The following CACNA2D3 variants were observed in gnomAD, a reference collection of about 807,000 sequenced individuals.
CACNA2D3 encodes the protein calcium voltage-gated channel auxiliary subunit alpha2delta 3.
Under a neutral mutation model 160.6 loss-of-function variants are expected in CACNA2D3, and 60 were observed. The ratio of observed to expected loss-of-function variants is 0.37; its 90% CI spans 0.30 to 0.46. The LOEUF is 0.46. Among genes scored for constraint, CACNA2D3 ranks in the 20% least tolerant of loss-of-function variants. The pLI, the probability that CACNA2D3 is intolerant of heterozygous loss-of-function variation, is 1.00. For synonymous variants in CACNA2D3, 558 were observed against 492.9 expected, an observed-to-expected ratio of 1.13 and a Z score of -1.75; for missense variants, 1,205 against 1,365.0, an observed-to-expected ratio of 0.88 and a Z score of 1.85.
At chr3:55,012,423 G>T (rs777797206) in intron 34 of CACNA2D3, among the ~76,000 whole-genome samples, 1 of 152,024 alleles carries the variant, frequency 6.6e-6, no homozygotes, top group South Asian at 2.1e-4. Context: ...TAGTGAAGAC[G>T]CTCCCTTCTC....
At chr3:54,438,103 A>G (rs1700087076) in intron 4 of CACNA2D3, among the ~76,000 whole-genome samples, 1 of 152,214 alleles carries the variant, frequency 6.6e-6, no homozygotes, top group Non-Finnish European at 1.5e-5. Flanking sequence ...TAACTCCATG[A>G]AAAGGGTTAT....
intron 35 of CACNA2D3, among the ~76,000 whole-genome samples, chr3:55,070,052 CAACA>C (rs1704766055): frequency 6.6e-6 from 1 of 152,128 alleles, no homozygotes; most frequent in African/African-American, 2.4e-5. Context: ...GTCACTGACT[CAACA>C]AATACTTACT....
chr3:55,068,204 G>A (rs139836948), intron 35 of CACNA2D3, among the ~76,000 whole-genome samples: 31 of 152,336 alleles, frequency 2.0e-4, no homozygotes, highest in African/African-American at 6.7e-4. Flanking sequence ...TAGCTTGCCT[G>A]TAACCTCCTG....
chr3:54,859,972 GCACACACACA>G lies in CACNA2D3; in HGVS notation c.1627-11534_1627-11525del, dbSNP rs1553891454. On this transcript the variant is annotated intron_variant, in intron 17 of 37. Transcript: ENST00000474759. Reference sequence around the variant, plus strand: ...TTAGAACATCATCTGGAAAGTAGATGCACACACACACACACACACACACACACACACACAC... The same window carrying G: ...TTAGAACATCATCTGGAAAGTAGATGCACACACACACACACACACACACAC... Among the ~76,000 whole-genome samples, 204 of 133,882 alleles carry G rather than the reference GCACACACACA, an allele frequency of 1.5e-3. 1 individual carries two copies. Among genetic ancestry groups the G allele is most frequent in the East Asian group, 7.3e-3 (33 of 4,498 alleles). The allele number at this position is 133,882 out of a possible 152,430, so 87.8% of individuals were successfully genotyped here. A position where few individuals can be genotyped will look rare whatever the true frequency, so the allele number is the denominator to read the frequency against.
At chr3:54,763,044 C>T (rs1162001309) in intron 12 of CACNA2D3, among the ~76,000 whole-genome samples, 2 of 148,280 alleles carry the variant, frequency 1.3e-5, no homozygotes, top group Non-Finnish European at 3.0e-5. Context: ...GCAGAGATTG[C>T]ACCACTGCAC....
chr3:54,386,694 G>GTTTTTTTTTTTT lies in CACNA2D3; in HGVS notation c.322-14_322-3dup, dbSNP rs62967361. 9.2e-6 allele frequency: 13 copies of GTTTTTTTTTTTT among 1,408,142 alleles called. No individual in the cohort carries two copies. In the Admixed American group the frequency reaches 1.0e-4, roughly 11 times the overall value. 87.2% of individuals were successfully genotyped at this position (1,408,142 alleles called of 1,614,324 possible). A position where few individuals can be genotyped will look rare whatever the true frequency, so the allele number is the denominator to read the frequency against. ...ATTCTGATCCTTAATGCTGTCTTCT[G>GTTTTTTTTTTTT]TTTTTTTTTTTTTTTTTTAGCGTCT... On this transcript the variant is annotated intron_variant, in intron 3 of 37. Coordinates refer to ENST00000474759, the MANE Select transcript of CACNA2D3 (RefSeq NM_018398.3).
intron 10 of CACNA2D3, chr3:54,639,235 A>G (rs528051161): frequency 2.9e-5 from 4 of 137,650 alleles, no homozygotes; most frequent in African/African-American, 1.1e-4. Flanking sequence ...CCTGCCCCAG[A>G]AAAGCGGGAC....
At chr3:54,515,036 A>G (rs1310930834) in intron 5 of CACNA2D3, among the ~76,000 whole-genome samples, 2 of 152,166 alleles carry the variant, frequency 1.3e-5, no homozygotes, top group Non-Finnish European at 2.9e-5. Context: ...GGAACGTCTC[A>G]GAAGGTATGG....
At chr3:54,795,629 C>T (rs903045284) in intron 13 of CACNA2D3, among the ~76,000 whole-genome samples, 3 of 152,132 alleles carry the variant, frequency 2.0e-5, no homozygotes, top group Non-Finnish European at 4.4e-5. Context: ...ATCTTTCACT[C>T]TAAGGCAACC....
chr3:54,336,588 T>C (rs1158346797), intron 3 of CACNA2D3, among the ~76,000 whole-genome samples: 1 of 152,148 alleles, frequency 6.6e-6, no homozygotes, highest in Non-Finnish European at 1.5e-5. Flanking sequence ...CAAATATAAC[T>C]TCCTTTTAAA....
chr3:54,363,068 G>A (rs1461907852), intron 3 of CACNA2D3, among the ~76,000 whole-genome samples: 2 of 151,962 alleles, frequency 1.3e-5, no homozygotes, highest in African/African-American at 2.4e-5. Context: ...GGTGGTGTGC[G>A]CCTGTAGTCC....
intron 4 of CACNA2D3, among the ~76,000 whole-genome samples, chr3:54,390,342 C>T (rs982562719): frequency 4.6e-5 from 7 of 152,108 alleles, no homozygotes; most frequent in African/African-American, 1.7e-4. Context: ...AAAGAGGGTG[C>T]TGTGATTGTG....
At chr3:54,238,736 C>A (rs1279749376) in intron 2 of CACNA2D3, among the ~76,000 whole-genome samples, 1 of 152,072 alleles carries the variant, frequency 6.6e-6, no homozygotes, top group Non-Finnish European at 1.5e-5. Flanking sequence ...CTATGAAGAC[C>A]CCTAAACAGA....
chr3:54,595,754 A>G (rs541233138), intron 9 of CACNA2D3, among the ~76,000 whole-genome samples: 21 of 152,284 alleles, frequency 1.4e-4, no homozygotes, highest in Admixed American at 6.5e-4. Flanking sequence ...AATAATATCA[A>G]TAATAAAGAG....
At chr3:54,171,266 A>G (rs989410435) in intron 2 of CACNA2D3, among the ~76,000 whole-genome samples, 3 of 149,946 alleles carry the variant, frequency 2.0e-5, no homozygotes, top group African/African-American at 7.3e-5. Context: ...AGAGGAGCCC[A>G]AGGAAGAGCT....
intron 4 of CACNA2D3, among the ~76,000 whole-genome samples, chr3:54,454,978 G>T (rs1251770681): frequency 1.3e-5 from 2 of 152,020 alleles, no homozygotes; most frequent in African/African-American, 2.4e-5. Context: ...TTCCACATTT[G>T]CTCTGTTCAT....
At chr3:54,863,662 A>C (rs577787880) in intron 17 of CACNA2D3, among the ~76,000 whole-genome samples, 3 of 151,980 alleles carry the variant, frequency 2.0e-5, no homozygotes. Flanking sequence ...CCCAGAGGAC[A>C]CTGATTAAGA....
intron 12 of CACNA2D3, among the ~76,000 whole-genome samples, chr3:54,759,283 A>T (rs1339144486): frequency 2.0e-5 from 3 of 152,204 alleles, no homozygotes; most frequent in Admixed American, 6.5e-5. Flanking sequence ...AAAGCACATT[A>T]AAAAAGAGAA....
intron 3 of CACNA2D3, among the ~76,000 whole-genome samples, chr3:54,345,337 G>A (rs1217450975): frequency 6.6e-6 from 1 of 152,116 alleles, no homozygotes; most frequent in Non-Finnish European, 1.5e-5. Flanking sequence ...TGCCTTATCT[G>A]AGTAGTACCT....
Sources: allele counts gnomAD v4.1 joint callset (sites outside exome capture counted in the v4.1 genomes callset), GRCh38; gene constraint gnomAD v4.1.1; transcripts MANE v1.5; gene names NCBI Gene and HGNC (gene_info 2026-07-23, HGNC 2026-07-21).